The following GPR158 variants were observed in gnomAD, a reference collection of about 807,000 sequenced individuals.
GPR158 encodes the protein metabotropic glycine receptor.
Under a neutral mutation model 78.2 loss-of-function variants are expected in GPR158, and 30 were observed. The ratio of observed to expected loss-of-function variants is 0.38; its 90% CI spans 0.29 to 0.52. The LOEUF is 0.52. Ranked by LOEUF, GPR158 falls within the 20% of genes least tolerant of loss-of-function variation. The pLI is 0.83. For missense variants in GPR158, 1,463 were observed against 1,523.5 expected (o/e 0.96, Z 0.66); for synonymous variants, 581 against 591.1 (o/e 0.98, Z 0.25).
Position 25,599,997 on chromosome 10 carries a change from AC to A in GPR158, c.*724del, listed in dbSNP as rs1245375078. On this transcript the variant is annotated 3_prime_UTR_variant, in exon 11 of 11. Coordinates refer to ENST00000376351, the MANE Select transcript of GPR158 (RefSeq NM_020752.3). ...TCTGGCTTGGGAAGCCATAACTGTT[AC>A]TATAAAAACTTTTAGTTTTGGCTGT... The A allele has an allele frequency of 1.3e-5, 2 of 152,674 alleles. No individual in the cohort carries two copies. The highest frequency in any genetic ancestry group is 2.4e-5 in the African/African-American group (1 of 41,470). 9.5% of individuals were successfully genotyped at this position (152,674 alleles called of 1,614,324 possible).
intron 6 of GPR158, among the ~76,000 whole-genome samples, chr10:25,562,854 A>G (rs1564490715): frequency 6.6e-6 from 1 of 152,178 alleles, no homozygotes; most frequent in Non-Finnish European, 1.5e-5. Flanking sequence ...TATCCAATCC[A>G]TTACTGAGAG....
chr10:25,321,872 T>C (rs1854952931), intron 2 of GPR158, among the ~76,000 whole-genome samples: 1 of 152,226 alleles, frequency 6.6e-6, no homozygotes, highest in Non-Finnish European at 1.5e-5. Flanking sequence ...ATATTTTTTA[T>C]TCTAGCATTT....
intron 2 of GPR158, among the ~76,000 whole-genome samples, chr10:25,221,712 G>T (rs1043958848): frequency 6.6e-6 from 1 of 152,138 alleles, no homozygotes; most frequent in Non-Finnish European, 1.5e-5. Flanking sequence ...ATAGGAAACA[G>T]GCATGGAGAT....
At chr10:25,410,180 C>A (rs2130546468) in intron 3 of GPR158, among the ~76,000 whole-genome samples, 1 of 152,284 alleles carries the variant, frequency 6.6e-6, no homozygotes, top group South Asian at 2.1e-4. Flanking sequence ...CTCTCTGTAA[C>A]ACCCACTCTA....
chr10:25,375,420 C>G (rs1834063833), intron 2 of GPR158, among the ~76,000 whole-genome samples: 1 of 151,194 alleles, frequency 6.6e-6, no homozygotes, highest in Admixed American at 6.6e-5. Flanking sequence ...TTTCTGATGT[C>G]AAGTCTAAAA....
chr10:25,430,414 A>G (rs1325537742), intron 4 of GPR158, among the ~76,000 whole-genome samples: 3 of 150,994 alleles, frequency 2.0e-5, no homozygotes, highest in Non-Finnish European at 3.0e-5. Context: ...AAGAATCAAT[A>G]TCGTGAAAAT....
chr10:25,192,031 C>T (rs745762374), intron 1 of GPR158, among the ~76,000 whole-genome samples: 5 of 152,134 alleles, frequency 3.3e-5, no homozygotes, highest in Non-Finnish European at 5.9e-5. Flanking sequence ...GTGCCTGATA[C>T]GGTTTGGCTG....
At chr10:25,463,395 CTGGATGGATGGATGGATGGATGGA>C (rs10532888) in intron 4 of GPR158, among the ~76,000 whole-genome samples, 5 of 149,682 alleles carry the variant, frequency 3.3e-5, no homozygotes, top group East Asian at 2.0e-4. Flanking sequence ...TGAGGTTTGT[CTGGATGGATGGATGGATGGATGGA>C]TGGATGGATG....
intron 2 of GPR158, among the ~76,000 whole-genome samples, chr10:25,372,866 A>G (rs1045584732): frequency 1.3e-5 from 2 of 151,650 alleles, no homozygotes; most frequent in Admixed American, 6.6e-5. Flanking sequence ...AATAAAATAA[A>G]TAAATAAATA....
At chr10:25,509,069 T>G (rs1836049913) in intron 5 of GPR158, among the ~76,000 whole-genome samples, 1 of 152,192 alleles carries the variant, frequency 6.6e-6, no homozygotes, top group African/African-American at 2.4e-5. Context: ...AATTCTTTGT[T>G]GGTGGAGGGG....
chr10:25,408,267 G>A (rs1259504119), intron 3 of GPR158, among the ~76,000 whole-genome samples: 2 of 152,172 alleles, frequency 1.3e-5, no homozygotes, highest in African/African-American at 4.8e-5. Context: ...AACTTCTATT[G>A]TAGTTCTTCT....
intron 2 of GPR158, among the ~76,000 whole-genome samples, chr10:25,297,751 A>G: frequency 6.6e-6 from 1 of 152,236 alleles, no homozygotes; most frequent in East Asian, 1.9e-4. Flanking sequence ...TTTGGGGCCA[A>G]CAGACACAGA....
intron 2 of GPR158, among the ~76,000 whole-genome samples, chr10:25,240,036 G>C (rs1853581961): frequency 6.6e-6 from 1 of 152,132 alleles, no homozygotes; most frequent in African/African-American, 2.4e-5. Context: ...AATATTATAA[G>C]ATAAAACAGC....
chr10:25,553,540 TC>T (rs1836752035), intron 6 of GPR158, among the ~76,000 whole-genome samples: 1 of 152,164 alleles, frequency 6.6e-6, no homozygotes, highest in Non-Finnish European at 1.5e-5. Context: ...ACAATCAGCA[TC>T]CCATAGAAAT....
At chr10:25,500,639 G>A (rs554755232) in intron 5 of GPR158, among the ~76,000 whole-genome samples, 6 of 152,238 alleles carry the variant, frequency 3.9e-5, no homozygotes, top group African/African-American at 1.2e-4. Flanking sequence ...AACCATAAAT[G>A]CTGTTAGATT....
chr10:25,199,110 T>C (rs539883575), intron 1 of GPR158, among the ~76,000 whole-genome samples: 2 of 151,164 alleles, frequency 1.3e-5, no homozygotes, highest in Non-Finnish European at 2.9e-5. Context: ...AGATCCACTT[T>C]GGGCTCAAAT....
intron 2 of GPR158, among the ~76,000 whole-genome samples, chr10:25,307,845 A>C (rs1588789479): frequency 6.6e-6 from 1 of 152,216 alleles, no homozygotes; most frequent in African/African-American, 2.4e-5. Context: ...AGTTTCTTGC[A>C]TTGTTCTAAA....
intron 2 of GPR158, among the ~76,000 whole-genome samples, chr10:25,272,966 C>A (rs1027726620): frequency 6.6e-6 from 1 of 152,134 alleles, no homozygotes; most frequent in South Asian, 2.1e-4. Context: ...GATTCTAGAT[C>A]ATAAAAGCTG....
chr10:25,385,629 A>G (rs1291138318), intron 2 of GPR158, among the ~76,000 whole-genome samples: 2 of 152,084 alleles, frequency 1.3e-5, no homozygotes, highest in African/African-American at 4.8e-5. Context: ...AGAAACATTT[A>G]TTATTATTAT....
Sources: gnomAD v4.1 joint callset for allele counts (sites outside exome capture counted in the v4.1 genomes callset) on GRCh38, gnomAD v4.1.1 for gene constraint, MANE v1.5 for transcripts, NCBI Gene and HGNC (gene_info 2026-07-23, HGNC 2026-07-21) for gene names.